The following TUNAR variants were observed in gnomAD, a reference collection of about 807,000 sequenced individuals.
The protein encoded by TUNAR is protein TUNAR.
In TUNAR at chr14:95,877,945, A is replaced by T. The variant is rs536434023; in HGVS notation, c.12+768A>T. Among the ~76,000 whole-genome samples the T allele has an allele frequency of 9.8e-5, 15 of 152,322 alleles. No homozygotes were observed. The East Asian group carries it at 2.7e-3, about 27-fold the overall frequency. On this transcript the variant is annotated intron_variant, in intron 2 of 2. Coordinates refer to ENST00000678517, the Ensembl canonical transcript of TUNAR. Reference sequence around the variant, plus strand: ...TCTGTTTTCCCAGTCCTCCTGAAGGATGGAAAGGACAGTGGTTCCTCCTGT... The same window carrying T: ...TCTGTTTTCCCAGTCCTCCTGAAGGTTGGAAAGGACAGTGGTTCCTCCTGT...
intron 2 of TUNAR, among the ~76,000 whole-genome samples, chr14:95,892,962 A>G (rs1889206352): frequency 6.6e-6 from 1 of 152,152 alleles, no homozygotes; most frequent in South Asian, 2.1e-4. Context: ...AGCCACTTAT[A>G]GGAAAAGGTG....
chr14:95,905,038 C>A (rs144811709), intron 2 of TUNAR, among the ~76,000 whole-genome samples: 2 of 152,332 alleles, frequency 1.3e-5, no homozygotes, highest in African/African-American at 2.4e-5. Context: ...GATACTAGAG[C>A]AATCCTTAAG....
chr14:95,883,846 C>A (rs1013851380), intron 2 of TUNAR, among the ~76,000 whole-genome samples: 2 of 152,186 alleles, frequency 1.3e-5, no homozygotes, highest in South Asian at 4.1e-4. Context: ...TATTAAAATG[C>A]ATATGGGTGG....
In TUNAR at chr14:95,920,688, G is replaced by A. The variant is rs115013680; in HGVS notation, c.13-2093G>A. 5.4e-3 allele frequency among the ~76,000 whole-genome samples: 828 copies of A among 152,240 alleles called. 12 individuals carry two copies. The highest frequency in any genetic ancestry group is 0.019 in the African/African-American group (774 of 41,548). Reference sequence around the variant, plus strand: ...CAGAGCCGCTCTGTAAGGTGCGAGCGACCCAGCCCTTTCAGGGGCTCATGT... The same window carrying A: ...CAGAGCCGCTCTGTAAGGTGCGAGCAACCCAGCCCTTTCAGGGGCTCATGT... On this transcript the variant is annotated intron_variant, in intron 2 of 2. Coordinates refer to ENST00000678517, the Ensembl canonical transcript of TUNAR.
chr14:95,896,265 A>T (rs1889267434), intron 2 of TUNAR, among the ~76,000 whole-genome samples: 1 of 152,220 alleles, frequency 6.6e-6, no homozygotes, highest in Admixed American at 6.5e-5. Context: ...GAAGGTGGGC[A>T]CTGGAGTGAG....
At chr14:95,896,090 A>T (rs1195049624) in intron 2 of TUNAR, 1 of 152,054 alleles carries the variant, frequency 6.6e-6, no homozygotes, top group Non-Finnish European at 1.5e-5. Context: ...GGTTAAAAAA[A>T]CGTTTCTGCC....
At chr14:95,909,705 G>A (rs765555445) in intron 2 of TUNAR, among the ~76,000 whole-genome samples, 11 of 152,144 alleles carry the variant, frequency 7.2e-5, no homozygotes, top group South Asian at 4.1e-4. Context: ...TGAACACTGC[G>A]GCTGCCCCAG....
At chr14:95,878,397 T>C (rs1340700522) in intron 2 of TUNAR, among the ~76,000 whole-genome samples, 1 of 152,210 alleles carries the variant, frequency 6.6e-6, no homozygotes, top group Non-Finnish European at 1.5e-5. Context: ...AGGGGCTTGT[T>C]CCATTGGTGA....
At position 95,922,313 on chromosome 14, in the gene TUNAR, C is replaced by T. The variant is rs116020361; in HGVS notation, c.13-468C>T. 3.3e-3 allele frequency among the ~76,000 whole-genome samples: 503 copies of T among 152,328 alleles called. 5 individuals carry two copies. The highest frequency in any genetic ancestry group is 0.012 in the African/African-American group (484 of 41,578). ...GGCTTCCAGCCACCCCTACCCATAC[C>T]GCAGTCAGAGCTTTAGCATGGTAGG... On this transcript the variant is annotated intron_variant, in intron 2 of 2. Coordinates refer to ENST00000678517, the Ensembl canonical transcript of TUNAR.
intron 2 of TUNAR, among the ~76,000 whole-genome samples, chr14:95,898,979 A>G (rs560672165): frequency 6.6e-6 from 1 of 152,370 alleles, no homozygotes; most frequent in Non-Finnish European, 1.5e-5. Flanking sequence ...AGGATCACCC[A>G]GGTAGAAATG....
At chr14:95,904,432 G>T (rs750189387) in intron 2 of TUNAR, among the ~76,000 whole-genome samples, 1 of 152,160 alleles carries the variant, frequency 6.6e-6, no homozygotes, top group Non-Finnish European at 1.5e-5. Flanking sequence ...AGGAAGGCAG[G>T]CAGGCTGACC....
chr14:95,884,045 A>G (rs925068792), intron 2 of TUNAR, among the ~76,000 whole-genome samples: 7 of 151,992 alleles, frequency 4.6e-5, no homozygotes, highest in Non-Finnish European at 1.0e-4. Context: ...ACTCACCCCC[A>G]TGCTGGCCAC....
chr14:95,906,663 A>G (rs879382569), intron 2 of TUNAR, among the ~76,000 whole-genome samples: 5 of 152,180 alleles, frequency 3.3e-5, no homozygotes, highest in Non-Finnish European at 7.3e-5. Flanking sequence ...CACCCCCTTC[A>G]GTGTGGTAAT....
intron 2 of TUNAR, among the ~76,000 whole-genome samples, chr14:95,920,513 C>T (rs940168315): frequency 2.0e-5 from 3 of 152,096 alleles, no homozygotes; most frequent in Non-Finnish European, 2.9e-5. Context: ...TCTAGTAAAC[C>T]GAAGTTGTGA....
intron 2 of TUNAR, among the ~76,000 whole-genome samples, chr14:95,912,276 T>C (rs1000195764): frequency 2.6e-5 from 4 of 152,252 alleles, no homozygotes; most frequent in African/African-American, 9.6e-5. Flanking sequence ...GTATTTTTAC[T>C]TTAGTCCCCA....
chr14:95,878,173 T>G (rs544623830), intron 2 of TUNAR, among the ~76,000 whole-genome samples: 1 of 152,368 alleles, frequency 6.6e-6, no homozygotes, highest in African/African-American at 2.4e-5. Flanking sequence ...GCAGAACTTC[T>G]GAGCCCCAAA....
At chr14:95,913,424 T>A (rs544128899) in intron 2 of TUNAR, among the ~76,000 whole-genome samples, 154 of 152,284 alleles carry the variant, frequency 1.0e-3, no homozygotes, top group African/African-American at 3.6e-3. Flanking sequence ...GGCGTTTGGT[T>A]TTCTGTTCCT....
At chr14:95,924,975 C>G (rs1034478266) in exon 3 of TUNAR, 7 of 152,186 alleles carry the variant, frequency 4.6e-5, no homozygotes, top group African/African-American at 1.7e-4. Flanking sequence ...TTAAATGGAC[C>G]AGGCTCTTTT....
intron 2 of TUNAR, among the ~76,000 whole-genome samples, chr14:95,886,774 C>G (rs559452202): frequency 6.6e-6 from 1 of 152,204 alleles, no homozygotes; most frequent in African/African-American, 2.4e-5. Flanking sequence ...TCCCTGAGGC[C>G]GGCCAATGCC....
Sources: allele counts gnomAD v4.1 joint callset (sites outside exome capture counted in the v4.1 genomes callset), GRCh38; gene constraint gnomAD v4.1.1; transcripts MANE v1.5; gene names NCBI Gene and HGNC (gene_info 2026-07-23, HGNC 2026-07-21).